Variants in ADAMTS20 observed in about 807,000 individuals in gnomAD.
The protein encoded by ADAMTS20 is A disintegrin and metalloproteinase with thrombospondin motifs 20.
In ADAMTS20, 225 loss-of-function variants were observed where a neutral mutation model predicts 260.1. The observed-to-expected ratio is 0.87, with a 90% CI of 0.78 to 0.97. The LOEUF (loss-of-function observed/expected upper bound fraction) is 0.97. Ranked by LOEUF, ADAMTS20 falls within the 50% of genes least tolerant of loss-of-function variation. ADAMTS20 has a pLI of 0.00. For missense variants in ADAMTS20, 2,400 were observed against 2,337.7 expected (o/e 1.03, Z -0.55); for synonymous variants, 802 against 769.5 (o/e 1.04, Z -0.70).
chr12:43,414,683 T>C (rs77542487), intron 28 of ADAMTS20, among the ~76,000 whole-genome samples: 1,996 of 152,100 alleles, frequency 0.013, 49 homozygotes, highest in African/African-American at 0.046. Flanking sequence ...TCTGATAATA[T>C]CAAGTGTTGA....
chr12:43,519,567 T>C (rs1279201918), intron 3 of ADAMTS20, among the ~76,000 whole-genome samples: 1 of 152,178 alleles, frequency 6.6e-6, no homozygotes, highest in East Asian at 1.9e-4. Context: ...TTTTCTTCAC[T>C]TATTCAATGT....
At chr12:43,419,760 TCTC>T (rs760872030) in intron 28 of ADAMTS20, among the ~76,000 whole-genome samples, 4 of 151,824 alleles carry the variant, frequency 2.6e-5, no homozygotes, top group Non-Finnish European at 4.4e-5. Context: ...ACACACACAG[TCTC>T]CTCTTTTATG....
chr12:43,463,869 T>C (rs1942107976), intron 10 of ADAMTS20, among the ~76,000 whole-genome samples: 1 of 152,170 alleles, frequency 6.6e-6, no homozygotes, highest in African/African-American at 2.4e-5. Context: ...ATTGGTCCAA[T>C]GATCCTCACA....
Position 43,441,077 on chromosome 12 carries a change from AC to A in ADAMTS20, c.2291-1009del, listed in dbSNP as rs1354618359. 7.3e-4 allele frequency among the ~76,000 whole-genome samples: 101 copies of A among 138,720 alleles called. 3 individuals carry two copies. The East Asian group carries it at 0.014, about 20-fold the overall frequency. The allele number at this position is 138,720 out of a possible 152,430, so 91.0% of individuals were successfully genotyped here. On this transcript the variant is annotated intron_variant, in intron 16 of 38. Transcript: ENST00000389420. ...GAGACTCCGTCTCCAAAAAAAAAAA[AC>A]AAAAAAAAAACTCTAGGGTCAACAT...
chr12:43,417,233 C>CAAA (rs1221788315), intron 28 of ADAMTS20, among the ~76,000 whole-genome samples: 1 of 152,142 alleles, frequency 6.6e-6, no homozygotes, highest in African/African-American at 2.4e-5. Context: ...TTCCCTGAGT[C>CAAA]ACAGCTGCAA....
intron 7 of ADAMTS20, among the ~76,000 whole-genome samples, chr12:43,475,699 A>T (rs1942340918): frequency 6.7e-6 from 1 of 149,796 alleles, no homozygotes; most frequent in African/African-American, 2.4e-5. Flanking sequence ...GCATACCTAC[A>T]ACTATCTGAT....
At chr12:43,414,980 C>G (rs752378142) in intron 28 of ADAMTS20, among the ~76,000 whole-genome samples, 4 of 152,010 alleles carry the variant, frequency 2.6e-5, no homozygotes, top group Admixed American at 2.6e-4. Flanking sequence ...TTCATCTATT[C>G]ATAGAAGTCA....
In ADAMTS20 at chr12:43,399,173, G is replaced by C; in HGVS notation, c.4345C>G (p.Gln1449Glu). The C allele has an allele frequency of 6.3e-7, 1 of 1,577,672 alleles. No individual in the cohort carries two copies. The highest frequency in any genetic ancestry group is 2.3e-5 in the East Asian group (1 of 43,670). The change falls in exon 29 of 39, where the codon CAA becomes GAA. Residue 1449 changes from glutamine to glutamate, a missense_variant. Transcript: ENST00000389420. ...YREVFCIDQF[Q>E]RKLEDTNCSQ... ...CAATTTGTGTCTTCTAATTTCCTTT[G>C]GAATTGGTCAATGCAAAACACTTCA...
intron 38 of ADAMTS20, among the ~76,000 whole-genome samples, chr12:43,355,059 A>G (rs755075919): frequency 6.6e-6 from 1 of 152,230 alleles, no homozygotes; most frequent in Non-Finnish European, 1.5e-5. Flanking sequence ...TCATATCTGG[A>G]AAAGGTAATT....
At chr12:43,547,605 C>T (rs1943457781) in intron 2 of ADAMTS20, among the ~76,000 whole-genome samples, 1 of 152,160 alleles carries the variant, frequency 6.6e-6, no homozygotes, top group African/African-American at 2.4e-5. Context: ...TCCCTCTTGA[C>T]TCTCAAATGC....
chr12:43,490,491 C>A (rs2137427735), intron 6 of ADAMTS20, 56 bp from the exon 7 acceptor site: 2 of 935,008 alleles, frequency 2.1e-6, no homozygotes, highest in Non-Finnish European at 1.5e-6. Flanking sequence ...TGCAACAAGC[C>A]AAAATAAAAA....
intron 26 of ADAMTS20, 102 bp from the exon 27 acceptor site, chr12:43,427,571 C>A: frequency 3.5e-6 from 4 of 1,138,586 alleles, no homozygotes; most frequent in East Asian, 5.5e-5. Context: ...CAAAATCAAA[C>A]CCTACATTAG....
At chr12:43,461,091 A>G (rs1053395588) in intron 11 of ADAMTS20, among the ~76,000 whole-genome samples, 2 of 147,008 alleles carry the variant, frequency 1.4e-5, no homozygotes, top group African/African-American at 5.1e-5. Flanking sequence ...CCCAGGTTCA[A>G]GCGATTATAC....
At chr12:43,376,682 A>G (rs1415788018) in intron 32 of ADAMTS20, 29 bp from the exon 33 acceptor site, 1 of 1,586,148 alleles carries the variant, frequency 6.3e-7, no homozygotes, top group Non-Finnish European at 8.5e-7. Context: ...TTGAAGGCAA[A>G]CTATATTATG....
At chr12:43,374,567 TA>T (rs892553658) in intron 36 of ADAMTS20, among the ~76,000 whole-genome samples, 5 of 152,180 alleles carry the variant, frequency 3.3e-5, no homozygotes, top group Non-Finnish European at 5.9e-5. Context: ...TTTTTTTCCC[TA>T]ATGCCAGTAC....
At chr12:43,398,883 C>G (rs935558631) in intron 29 of ADAMTS20, among the ~76,000 whole-genome samples, 183 bp downstream of exon 29, 4 of 152,036 alleles carry the variant, frequency 2.6e-5, no homozygotes, top group East Asian at 3.9e-4. Context: ...TATTATTTAA[C>G]TATAAACTTA....
At position 43,432,730 on chromosome 12, in the gene ADAMTS20, A is replaced by G. The variant is rs1483017386; in HGVS notation, c.2802T>C (p.Tyr934=). The G allele has an allele frequency of 1.2e-6, 2 of 1,613,734 alleles. No homozygotes were observed. Among genetic ancestry groups the G allele is most frequent in the Non-Finnish European group, 1.7e-6 (2 of 1,179,616 alleles). The change falls in exon 20 of 39, where the codon TAT becomes TAC. Residue 934 remains tyrosine, a synonymous_variant. Coordinates refer to ENST00000389420, the MANE Select transcript of ADAMTS20 (RefSeq NM_025003.5). Reference sequence around the variant, plus strand: ...GAACAGTCTGTCCTTCATGAATGGAATACTTCATGCAATGGATGTCCAAGG... The same window carrying G: ...GAACAGTCTGTCCTTCATGAATGGAGTACTTCATGCAATGGATGTCCAAGG... ...YRTLDIHCMK[Y]SIHEGQTVQV... is the part of the protein sequence containing the mutation.
In ADAMTS20 at chr12:43,381,782, A is replaced by C. The variant is rs1004749583; in HGVS notation, c.4797+1776T>G. The stretch of plus-strand genomic sequence containing the variant: ...GGCAACAGAACAAGACTGCATCTCA[A>C]AAAAAAAAAAAAAAAAAAAAAAGAT... On this transcript the variant is annotated intron_variant, in intron 31 of 38. Transcript: ENST00000389420. 1.4e-4 allele frequency among the ~76,000 whole-genome samples: 19 copies of C among 134,012 alleles called. No individual in the cohort carries two copies. In the East Asian group the frequency reaches 3.8e-3, roughly 27 times the overall value. 87.9% of individuals were successfully genotyped at this position (134,012 alleles called of 152,430 possible). A position where few individuals can be genotyped will look rare whatever the true frequency, so the allele number is the denominator to read the frequency against.
intron 29 of ADAMTS20, among the ~76,000 whole-genome samples, chr12:43,388,367 T>TGAGG (rs1940528637): frequency 6.6e-6 from 1 of 152,180 alleles, no homozygotes; most frequent in Non-Finnish European, 1.5e-5. Context: ...GTACCCACTG[T>TGAGG]CTAACCAGTG....
Sources: allele counts gnomAD v4.1 joint callset (sites outside exome capture counted in the v4.1 genomes callset), GRCh38; gene constraint gnomAD v4.1.1; transcripts MANE v1.5; gene names NCBI Gene and HGNC (gene_info 2026-07-23, HGNC 2026-07-21).